UEVLD: variants seen among roughly 807,000 people sequenced by gnomAD.
UEVLD encodes UEV and lactate/malate dehyrogenase domains, also known as ubiquitin-conjugating enzyme E2 variant 3.
A neutral mutation model predicts 58.6 loss-of-function variants in UEVLD; 47 were observed. That is an observed-to-expected ratio of 0.80 (90% CI 0.63 to 1.02). UEVLD has a LOEUF of 1.02. Ranked by LOEUF, UEVLD falls within the 50% of genes least tolerant of loss-of-function variation. The probability of loss-of-function intolerance (pLI) is 0.00; values close to 1 mark genes in which losing one functional copy is unlikely to be tolerated. For synonymous variants in UEVLD, 197 were observed against 195.3 expected (o/e 1.01, Z -0.07); for missense variants, 510 against 550.6 (o/e 0.93, Z 0.74).
rs536283923 is a variant in UEVLD, at chr11:18,572,214, C to T, written c.194-1837G>A. On this transcript the variant is annotated intron_variant, in intron 3 of 11. Coordinates refer to ENST00000396197, the MANE Select transcript of UEVLD (RefSeq NM_001040697.4). ...TCGCGCCACTGCACTCCAGCCTGGG[C>T]GACAGTGCGAGACTCCGTCTCAAAA... Among the ~76,000 whole-genome samples the T allele has an allele frequency of 1.5e-4, 23 of 151,842 alleles. No homozygotes were observed. In the South Asian group the frequency reaches 3.7e-3, roughly 25 times the overall value.
At chr11:18,544,588 A>G in intron 9 of UEVLD, 35 bp downstream of exon 9, 2 of 1,571,858 alleles carry the variant, frequency 1.3e-6, no homozygotes, top group Non-Finnish European at 1.7e-6. Flanking sequence ...TACAGGCATG[A>G]GCCACCACAC....
intron 2 of UEVLD, among the ~76,000 whole-genome samples, chr11:18,576,344 GAAGTTC>G (rs1565140093): frequency 6.6e-6 from 1 of 151,994 alleles, no homozygotes; most frequent in Non-Finnish European, 1.5e-5. Context: ...CTTGAGGTCA[GAAGTTC>G]AAGACCAGCT....
At chr11:18,574,395 C>T (rs1852793486) in intron 3 of UEVLD, among the ~76,000 whole-genome samples, 1 of 152,148 alleles carries the variant, frequency 6.6e-6, no homozygotes, top group Non-Finnish European at 1.5e-5. Context: ...ACCTAGGCCT[C>T]CCAAAGTGCT....
intron 1 of UEVLD, among the ~76,000 whole-genome samples, chr11:18,580,649 GAA>G (rs1305104423): frequency 6.7e-5 from 6 of 89,684 alleles, no homozygotes; most frequent in African/African-American, 8.6e-5. Context: ...GTGCTTCCCA[GAA>G]AAAAAAAAAA....
At chr11:18,578,853 C>A in intron 1 of UEVLD, 45 bp from the exon 2 acceptor site, 3 of 1,395,698 alleles carry the variant, frequency 2.1e-6, no homozygotes. Flanking sequence ...AAGCTGTAAG[C>A]AAAAGAACAA....
intron 7 of UEVLD, among the ~76,000 whole-genome samples, chr11:18,555,165 G>A (rs1444628182): frequency 1.3e-5 from 2 of 152,032 alleles, no homozygotes; most frequent in Non-Finnish European, 2.9e-5. Context: ...GGTGGCTCAC[G>A]CCTGTAATCC....
intron 1 of UEVLD, among the ~76,000 whole-genome samples, chr11:18,583,806 C>A (rs939629360): frequency 2.0e-5 from 3 of 151,844 alleles, no homozygotes; most frequent in Non-Finnish European, 4.4e-5. Flanking sequence ...GGATTACAGG[C>A]ATGCACCACC....
At chr11:18,580,914 G>C (rs986662087) in intron 1 of UEVLD, among the ~76,000 whole-genome samples, 1 of 152,140 alleles carries the variant, frequency 6.6e-6, no homozygotes, top group Non-Finnish European at 1.5e-5. Flanking sequence ...TGTAATCCCA[G>C]CACTTTGGGA....
chr11:18,535,878 T>C (rs1850771640), intron 10 of UEVLD, among the ~76,000 whole-genome samples: 1 of 152,220 alleles, frequency 6.6e-6, no homozygotes, highest in Non-Finnish European at 1.5e-5. Context: ...GGCTCACACC[T>C]GTAATCCCGG....
chr11:18,554,603 G>A (rs1343610239), intron 7 of UEVLD, among the ~76,000 whole-genome samples: 2 of 151,068 alleles, frequency 1.3e-5, no homozygotes, highest in East Asian at 3.9e-4. Flanking sequence ...CCACCATGTT[G>A]ACCAGGCTGG....
chr11:18,586,739 C>T (rs1187260673), intron 1 of UEVLD, among the ~76,000 whole-genome samples: 1 of 152,270 alleles, frequency 6.6e-6, no homozygotes, highest in Middle Eastern at 3.4e-3. Context: ...AGTGAATGGT[C>T]AGGAAACTTC....
chr11:18,543,157 C>G (rs866822188), intron 9 of UEVLD, among the ~76,000 whole-genome samples: 51 of 152,224 alleles, frequency 3.4e-4, no homozygotes, highest in African/African-American at 1.2e-3. Flanking sequence ...TCCCAAAGTG[C>G]TGGGACTACA....
chr11:18,576,362 G>C (rs1852910030), intron 2 of UEVLD, among the ~76,000 whole-genome samples: 1 of 151,840 alleles, frequency 6.6e-6, no homozygotes, highest in Admixed American at 6.6e-5. Flanking sequence ...AGACCAGCTT[G>C]GGCAACATGA....
intron 7 of UEVLD, among the ~76,000 whole-genome samples, chr11:18,553,452 G>A (rs1033842132): frequency 1.3e-5 from 2 of 152,080 alleles, no homozygotes; most frequent in Non-Finnish European, 2.9e-5. Flanking sequence ...CTTCAAAAGT[G>A]TAGAATTAAT....
intron 7 of UEVLD, among the ~76,000 whole-genome samples, chr11:18,547,707 A>G (rs1851360403): frequency 6.6e-6 from 1 of 152,140 alleles, no homozygotes; most frequent in Non-Finnish European, 1.5e-5. Context: ...ATTGGTTCCT[A>G]AACTGTGAGC....
Position 18,546,910 on chromosome 11 carries a change from G to A in UEVLD, c.856C>T (p.His286Tyr), listed in dbSNP as rs1565115134. ...TGAGATGCAACGAGCAGGACACTGT[G>A]TTGACTATAATGTCCCAGAGCTGGG... ...LVPALGHYSQ[H>Y]SVLLVASQPV... is the part of the protein sequence containing the mutation. Residue 286 changes from histidine to tyrosine, a missense_variant, in exon 8 of 12, where the codon CAC (histidine) becomes TAC (tyrosine). His to Tyr is a moderately conservative substitution (Grantham distance 83). Coordinates refer to ENST00000396197, the MANE Select transcript of UEVLD (RefSeq NM_001040697.4). The A allele has an allele frequency of 1.2e-6, 2 of 1,613,864 alleles. No individual in the cohort carries two copies. The highest frequency in any genetic ancestry group is 1.7e-6 in the Non-Finnish European group (2 of 1,179,966).
At chr11:18,576,361 T>C (rs1852909774) in intron 2 of UEVLD, among the ~76,000 whole-genome samples, 1 of 151,862 alleles carries the variant, frequency 6.6e-6, no homozygotes, top group South Asian at 2.1e-4. Flanking sequence ...AAGACCAGCT[T>C]GGGCAACATG....
chr11:18,548,460 C>T (rs1387221710), intron 7 of UEVLD, among the ~76,000 whole-genome samples: 1 of 152,136 alleles, frequency 6.6e-6, no homozygotes. Flanking sequence ...GAGTTTCGCT[C>T]TTGTTGCCCC....
At chr11:18,585,146 C>T (rs1853476868) in intron 1 of UEVLD, among the ~76,000 whole-genome samples, 1 of 152,162 alleles carries the variant, frequency 6.6e-6, no homozygotes, top group Non-Finnish European at 1.5e-5. Context: ...CTGTCTTGGC[C>T]TCCCAAAGTG....
Sources: gnomAD v4.1 joint callset for allele counts (sites outside exome capture counted in the v4.1 genomes callset) on GRCh38, gnomAD v4.1.1 for gene constraint, MANE v1.5 for transcripts, NCBI Gene and HGNC (gene_info 2026-07-23, HGNC 2026-07-21) for gene names.